The following UBE3A variants were observed in gnomAD, a reference collection of about 807,000 sequenced individuals.
UBE3A encodes ubiquitin-protein ligase E3A.
A neutral mutation model predicts 83.4 loss-of-function variants in UBE3A; 6 were observed. The ratio of observed to expected loss-of-function variants is 0.07; its 90% CI spans 0.04 to 0.14. The LOEUF (loss-of-function observed/expected upper bound fraction) is 0.14, where lower values mean the gene tolerates loss of function less well. UBE3A is among the 10% of genes least tolerant of loss of function. UBE3A has a pLI of 1.00. For synonymous variants in UBE3A, 337 were observed against 355.4 expected, an observed-to-expected ratio of 0.95 and a Z score of 0.58; for missense variants, 456 against 1,036.1, an observed-to-expected ratio of 0.44 and a Z score of 7.69.
At chr15:25,389,688 G>A (rs931905343) in intron 4 of UBE3A, among the ~76,000 whole-genome samples, 1 of 152,160 alleles carries the variant, frequency 6.6e-6, no homozygotes, top group Non-Finnish European at 1.5e-5. Context: ...AGGAGGTCGA[G>A]ACCAGCCTGG....
At chr15:25,398,392 T>C (rs906973142) in intron 4 of UBE3A, among the ~76,000 whole-genome samples, 7 of 152,168 alleles carry the variant, frequency 4.6e-5, no homozygotes, top group Non-Finnish European at 7.4e-5. Context: ...TGTTGTACAA[T>C]AGATACCTTG....
At chr15:25,433,387 C>T (rs1415032043) in intron 1 of UBE3A, among the ~76,000 whole-genome samples, 19 of 151,966 alleles carry the variant, frequency 1.3e-4, no homozygotes, top group Admixed American at 1.2e-3. Context: ...GAGGTTTCAC[C>T]GTGTTGGCCA....
At chr15:25,404,679 A>G (rs917877410) in intron 4 of UBE3A, among the ~76,000 whole-genome samples, 1 of 152,174 alleles carries the variant, frequency 6.6e-6, no homozygotes, top group Non-Finnish European at 1.5e-5. Context: ...CACGTTTGAC[A>G]AACTTACTAT....
intron 6 of UBE3A, among the ~76,000 whole-genome samples, chr15:25,362,897 T>A (rs1196375142): frequency 6.6e-6 from 1 of 151,960 alleles, no homozygotes; most frequent in Non-Finnish European, 1.5e-5. Flanking sequence ...TATTCCAAAG[T>A]GGGGAAAAAA....
At chr15:25,368,615 G>A (rs553041464) in intron 6 of UBE3A, among the ~76,000 whole-genome samples, 6 of 151,830 alleles carry the variant, frequency 4.0e-5, no homozygotes, top group Non-Finnish European at 8.8e-5. Flanking sequence ...TTTATGATAG[G>A]CCACACTATA....
chr15:25,337,402 T>C lies in UBE3A; in HGVS notation c.*1735A>G, dbSNP rs2074030967. 1 of 152,064 alleles carries C rather than the reference T, an allele frequency of 6.6e-6. No individual in the cohort carries two copies. The highest frequency in any genetic ancestry group is 6.6e-5 in the Admixed American group (1 of 15,254). 9.4% of individuals were successfully genotyped at this position (152,064 alleles called of 1,614,324 possible). A position where few individuals can be genotyped will look rare whatever the true frequency, so the allele number is the denominator to read the frequency against. On this transcript the variant is annotated 3_prime_UTR_variant, in exon 13 of 13. Coordinates refer to ENST00000648336, the MANE Select transcript of UBE3A (RefSeq NM_130839.5). ...CAAGGTAGCGTATGTACCCTAACAG[T>C]GTTCTAAAGGCTGGCCCAGAAAAAC...
At chr15:25,346,123 C>G (rs1368141265) in intron 11 of UBE3A, 7 of 152,320 alleles carry the variant, frequency 4.6e-5, no homozygotes, top group African/African-American at 1.7e-4. Flanking sequence ...GTCAGGAGCA[C>G]TGCCAGGAAC....
chr15:25,342,229 A>G (rs2074963099), intron 11 of UBE3A, among the ~76,000 whole-genome samples: 2 of 152,088 alleles, frequency 1.3e-5, no homozygotes, highest in Non-Finnish European at 2.9e-5. Context: ...GTGGGTGGTA[A>G]TAAAGCCTCC....
intron 1 of UBE3A, among the ~76,000 whole-genome samples, chr15:25,423,603 T>C (rs968981109): frequency 6.6e-6 from 1 of 152,182 alleles, no homozygotes; most frequent in Non-Finnish European, 1.5e-5. Context: ...GTATTCCATC[T>C]CAGGTTTCTC....
At chr15:25,419,947 T>C (rs990295758) in intron 1 of UBE3A, among the ~76,000 whole-genome samples, 1 of 151,946 alleles carries the variant, frequency 6.6e-6, no homozygotes, top group Non-Finnish European at 1.5e-5. Context: ...AAATGCTCCA[T>C]TAACCGAAAA....
rs182387648 is a variant in UBE3A, at chr15:25,414,975, G to A, written c.-164-3004C>T. 2.6e-5 allele frequency among the ~76,000 whole-genome samples: 4 copies of A among 152,240 alleles called. No individual in the cohort carries two copies. The South Asian group carries it at 8.3e-4, about 32-fold the overall frequency. On this transcript the variant is annotated intron_variant, in intron 1 of 12. Coordinates refer to ENST00000648336, the MANE Select transcript of UBE3A (RefSeq NM_130839.5). The stretch of plus-strand genomic sequence containing the variant: ...TATAGAATAAGCATCTTACAAAAGA[G>A]AAAATTTTTCTCTTAGGGAACTAGC...
intron 4 of UBE3A, among the ~76,000 whole-genome samples, chr15:25,384,707 G>A (rs922206271): frequency 1.3e-5 from 2 of 152,048 alleles, no homozygotes; most frequent in Non-Finnish European, 2.9e-5. Flanking sequence ...CTGAATAGCC[G>A]TAACAATCTG....
chr15:25,358,001 T>A (rs1317682558), intron 7 of UBE3A, among the ~76,000 whole-genome samples: 1 of 147,482 alleles, frequency 6.8e-6, no homozygotes, highest in African/African-American at 2.5e-5. Context: ...CCCGGGTTCA[T>A]GCCATTCTCT....
rs2083148757 is a variant in UBE3A, at chr15:25,386,417, CTA to C, written c.63-10656_63-10655del. ...TTATCAAACTTGGAATCTAAAACAACTATGATTAATATGCTAAGGGCCCTAAC... is the reference window on the plus strand; with the variant it reads ...TTATCAAACTTGGAATCTAAAACAACTGATTAATATGCTAAGGGCCCTAAC... On this transcript the variant is annotated intron_variant, in intron 4 of 12. Coordinates refer to ENST00000648336, the MANE Select transcript of UBE3A (RefSeq NM_130839.5). Among the ~76,000 whole-genome samples, 3 of 152,104 alleles carry C rather than the reference CTA, an allele frequency of 2.0e-5. No individual in the cohort carries two copies. The South Asian group carries it at 6.2e-4, about 31-fold the overall frequency.
At position 25,334,285 on chromosome 15, in the gene UBE3A, C is replaced by T. The variant is rs1162292902; in HGVS notation, c.*4852G>A. The T allele has an allele frequency of 2.0e-5, 3 of 151,320 alleles. No homozygotes were observed. The highest frequency in any genetic ancestry group is 4.4e-5 in the Non-Finnish European group (3 of 67,846). The allele number at this position is 151,320 out of a possible 1,614,324, so 9.4% of individuals were successfully genotyped here. A position where few individuals can be genotyped will look rare whatever the true frequency, so the allele number is the denominator to read the frequency against. The stretch of plus-strand genomic sequence containing the variant: ...TTATTTCTAACACCAGTGATGAATA[C>T]AAAAATAAAAATTAGAAAATAATCA... On this transcript the variant is annotated 3_prime_UTR_variant, in exon 13 of 13. Coordinates refer to ENST00000648336, the MANE Select transcript of UBE3A (RefSeq NM_130839.5).
chr15:25,337,807 A>G lies in UBE3A; in HGVS notation c.*1330T>C, dbSNP rs547466138. On this transcript the variant is annotated 3_prime_UTR_variant, in exon 13 of 13. Transcript: ENST00000648336. ...CATAATCCTTTTATTTTATAATGCAATAAAAGAAATTAACAACATCACATA... is the reference window on the plus strand; with the variant it reads ...CATAATCCTTTTATTTTATAATGCAGTAAAAGAAATTAACAACATCACATA... 2.4e-4 allele frequency: 36 copies of G among 152,314 alleles called. No individual in the cohort carries two copies. In the East Asian group the frequency reaches 6.2e-3, roughly 26 times the overall value. 9.4% of individuals were successfully genotyped at this position (152,314 alleles called of 1,614,324 possible). A position where few individuals can be genotyped will look rare whatever the true frequency, so the allele number is the denominator to read the frequency against.
chr15:25,431,499 C>T (rs1288232298), intron 1 of UBE3A, among the ~76,000 whole-genome samples: 1 of 152,078 alleles, frequency 6.6e-6, no homozygotes, highest in African/African-American at 2.4e-5. Context: ...TGTGCCACCA[C>T]GCCTAGCTAA....
At chr15:25,383,705 G>C (rs2082598183) in intron 4 of UBE3A, among the ~76,000 whole-genome samples, 1 of 152,042 alleles carries the variant, frequency 6.6e-6, no homozygotes. Flanking sequence ...ACATAATGAA[G>C]GCCATATATA....
intron 1 of UBE3A, among the ~76,000 whole-genome samples, chr15:25,413,386 T>G (rs554800338): frequency 5.4e-4 from 82 of 152,306 alleles, no homozygotes; most frequent in African/African-American, 1.9e-3. Context: ...CTATCACTTT[T>G]TATTATAACA....
Sources: gnomAD v4.1 joint callset for allele counts (sites outside exome capture counted in the v4.1 genomes callset) on GRCh38, gnomAD v4.1.1 for gene constraint, MANE v1.5 for transcripts, NCBI Gene and HGNC (gene_info 2026-07-23, HGNC 2026-07-21) for gene names.